Variants in NEGR1 observed in about 807,000 individuals in gnomAD.
NEGR1 encodes neuronal growth regulator 1, also known as IgLON family member 4.
Under a neutral mutation model 40.9 loss-of-function variants are expected in NEGR1, and 10 were observed. That is an observed-to-expected ratio of 0.24 (90% CI 0.15 to 0.42). The LOEUF is 0.42. Ranked by LOEUF, NEGR1 falls within the 10% of genes least tolerant of loss-of-function variation. The pLI, the probability that NEGR1 is intolerant of heterozygous loss-of-function variation, is 1.00. For synonymous variants in NEGR1, 185 were observed against 166.8 expected, an observed-to-expected ratio of 1.11 and a Z score of -0.84; for missense variants, 352 against 438.9, an observed-to-expected ratio of 0.80 and a Z score of 1.77.
chr1:72,163,517 GA>G (rs1210137162), intron 1 of NEGR1, among the ~76,000 whole-genome samples: 1 of 152,038 alleles, frequency 6.6e-6, no homozygotes, highest in East Asian at 1.9e-4. Flanking sequence ...AAAGCAAATG[GA>G]GACATGAGAA....
chr1:72,172,782 GT>G (rs1044876898), intron 1 of NEGR1, among the ~76,000 whole-genome samples: 1 of 152,028 alleles, frequency 6.6e-6, no homozygotes, highest in African/African-American at 2.4e-5. Context: ...GTTTCCTTGT[GT>G]TTTTCAGCTT....
chr1:71,480,106 C>T (rs1331646613), intron 6 of NEGR1, among the ~76,000 whole-genome samples: 1 of 151,864 alleles, frequency 6.6e-6, no homozygotes, highest in Non-Finnish European at 1.5e-5. Context: ...CATGTAATTA[C>T]AGTGGCCATA....
intron 6 of NEGR1, among the ~76,000 whole-genome samples, chr1:71,490,961 C>T (rs1015318135): frequency 6.6e-6 from 1 of 151,958 alleles, no homozygotes; most frequent in African/African-American, 2.4e-5. Context: ...CAGTCCAAAG[C>T]ATCTTAATGA....
chr1:71,463,050 A>C (rs1295949507), intron 6 of NEGR1, among the ~76,000 whole-genome samples: 2 of 152,150 alleles, frequency 1.3e-5, no homozygotes, highest in Non-Finnish European at 2.9e-5. Flanking sequence ...ACTTAGGTAC[A>C]TGGCACTCCT....
chr1:72,047,030 C>T (rs927163249), intron 1 of NEGR1, among the ~76,000 whole-genome samples: 8 of 151,514 alleles, frequency 5.3e-5, no homozygotes, highest in Non-Finnish European at 1.0e-4. Context: ...GATTAACCAC[C>T]CTTTCCATAC....
intron 4 of NEGR1, among the ~76,000 whole-genome samples, chr1:71,690,048 A>T (rs1206864165): frequency 8.6e-5 from 13 of 151,956 alleles, no homozygotes; most frequent in Admixed American, 8.5e-4. Context: ...ATCTGCCATA[A>T]TTCTTGTACA....
intron 6 of NEGR1, among the ~76,000 whole-genome samples, chr1:71,582,831 G>A (rs1264171833): frequency 6.6e-6 from 1 of 152,226 alleles, no homozygotes; most frequent in Non-Finnish European, 1.5e-5. Flanking sequence ...AATTGCCTGA[G>A]TAATTCAATT....
chr1:71,912,897 A>G (rs1661459549), intron 2 of NEGR1, among the ~76,000 whole-genome samples: 1 of 152,072 alleles, frequency 6.6e-6, no homozygotes, highest in Non-Finnish European at 1.5e-5. Context: ...TGCATTTTGT[A>G]ATAATTTCAA....
At chr1:72,061,312 T>A (rs1036898386) in intron 1 of NEGR1, among the ~76,000 whole-genome samples, 7 of 151,762 alleles carry the variant, frequency 4.6e-5, no homozygotes, top group Non-Finnish European at 1.0e-4. Flanking sequence ...ATATCATCTG[T>A]TTCATTACCA....
intron 6 of NEGR1, among the ~76,000 whole-genome samples, chr1:71,589,967 C>T (rs1256399563): frequency 6.6e-6 from 1 of 152,084 alleles, no homozygotes; most frequent in African/African-American, 2.4e-5. Context: ...ACCTTTTATT[C>T]TAGCCATTTT....
At chr1:71,927,518 T>A (rs1006864678) in intron 2 of NEGR1, among the ~76,000 whole-genome samples, 5 of 152,054 alleles carry the variant, frequency 3.3e-5, no homozygotes, top group African/African-American at 9.7e-5. Context: ...AAGTCTAAGA[T>A]CACGAATGAC....
chr1:71,595,209 A>T (rs1174908431), intron 5 of NEGR1, among the ~76,000 whole-genome samples: 1 of 152,186 alleles, frequency 6.6e-6, no homozygotes, highest in Non-Finnish European at 1.5e-5. Flanking sequence ...GTGCATCCTT[A>T]CCAGAGTGGA....
At chr1:71,941,928 T>C (rs965902511) in intron 1 of NEGR1, among the ~76,000 whole-genome samples, 4 of 152,064 alleles carry the variant, frequency 2.6e-5, no homozygotes, top group African/African-American at 7.2e-5. Flanking sequence ...ATGACTTGCT[T>C]ATTAACATTT....
chr1:71,561,456 C>A (rs1309667710), intron 6 of NEGR1, among the ~76,000 whole-genome samples: 1 of 151,490 alleles, frequency 6.6e-6, no homozygotes, highest in East Asian at 1.9e-4. Flanking sequence ...GCATTTTGCT[C>A]TTTAAAGATA....
intron 2 of NEGR1, among the ~76,000 whole-genome samples, chr1:71,852,410 T>TA (rs1211150903): frequency 2.0e-5 from 3 of 152,102 alleles, no homozygotes; most frequent in East Asian, 3.9e-4. Context: ...CATCAAACAT[T>TA]AAAAAACCCA....
intron 6 of NEGR1, among the ~76,000 whole-genome samples, chr1:71,543,968 T>A (rs1258612126): frequency 1.3e-5 from 2 of 151,644 alleles, no homozygotes; most frequent in Non-Finnish European, 3.0e-5. Context: ...ACTTTTTTTT[T>A]AACATTATTT....
At chr1:72,141,233 G>A (rs573165632) in intron 1 of NEGR1, among the ~76,000 whole-genome samples, 1 of 151,942 alleles carries the variant, frequency 6.6e-6, no homozygotes, top group East Asian at 1.9e-4. Context: ...AAGATGCAAG[G>A]GGAAACACAT....
At chr1:71,997,336 T>C (rs1202048875) in intron 1 of NEGR1, among the ~76,000 whole-genome samples, 2 of 152,040 alleles carry the variant, frequency 1.3e-5, no homozygotes, top group Admixed American at 6.6e-5. Flanking sequence ...TCCTAAATTG[T>C]AGACACAACA....
intron 3 of NEGR1, among the ~76,000 whole-genome samples, chr1:71,750,214 C>G (rs989870259): frequency 2.0e-5 from 3 of 151,796 alleles, no homozygotes; most frequent in Admixed American, 6.6e-5. Context: ...AGGATGGTCT[C>G]GATCTCCTGA....
Sources: gnomAD v4.1 joint callset for allele counts (sites outside exome capture counted in the v4.1 genomes callset) on GRCh38, gnomAD v4.1.1 for gene constraint, MANE v1.5 for transcripts, NCBI Gene and HGNC (gene_info 2026-07-23, HGNC 2026-07-21) for gene names.